Variants in ZFHX3 observed in about 807,000 individuals in gnomAD.
The protein encoded by ZFHX3 is zinc finger homeobox 3.
In ZFHX3, 42 loss-of-function variants were observed where a neutral mutation model predicts 279.1. The observed-to-expected ratio is 0.15, with a 90% confidence interval of 0.12 to 0.19. The LOEUF is 0.19. Ranked by LOEUF, ZFHX3 falls within the 10% of genes least tolerant of loss-of-function variation. ZFHX3 has a pLI of 1.00. For missense variants in ZFHX3, 4,981 were observed against 4,754.0 expected (o/e 1.05, Z -1.40); for synonymous variants, 2,293 against 1,957.8 (o/e 1.17, Z -4.52).
chr16:73,226,638 A>G (rs963702694), intron 5 of ZFHX3, among the ~76,000 whole-genome samples: 1 of 152,216 alleles, frequency 6.6e-6, no homozygotes, highest in African/African-American at 2.4e-5. Flanking sequence ...AAGGCCTTGT[A>G]GTTATGGATC....
intron 1 of ZFHX3, among the ~76,000 whole-genome samples, chr16:73,025,860 A>G (rs1964478339): frequency 6.6e-6 from 1 of 152,196 alleles, no homozygotes; most frequent in Non-Finnish European, 1.5e-5. Context: ...GTTCCCTTGC[A>G]AAGCGAAAGA....
At chr16:73,512,495 GA>G (rs1168882532) in intron 2 of ZFHX3, among the ~76,000 whole-genome samples, 59 of 130,894 alleles carry the variant, frequency 4.5e-4, no homozygotes, top group Non-Finnish European at 6.3e-4. Context: ...GTCTTCTGTG[GA>G]AAAAAAAAAA....
At chr16:72,802,562 A>AG (rs1014532876) in intron 7 of ZFHX3, among the ~76,000 whole-genome samples, 2 of 152,222 alleles carry the variant, frequency 1.3e-5, no homozygotes, top group East Asian at 1.9e-4. Flanking sequence ...CCTGAAAAAA[A>AG]GGGGGGGTTG....
At chr16:72,985,820 G>A (rs1450382940) in intron 1 of ZFHX3, among the ~76,000 whole-genome samples, 3 of 152,094 alleles carry the variant, frequency 2.0e-5, no homozygotes, top group African/African-American at 7.2e-5. Flanking sequence ...GGCTCTGCCG[G>A]CAGAGCAGGG....
chr16:73,823,030 A>G (rs191893084), intron 1 of ZFHX3, among the ~76,000 whole-genome samples: 1 of 152,216 alleles, frequency 6.6e-6, no homozygotes, highest in Non-Finnish European at 1.5e-5. Flanking sequence ...AGCACGTGGA[A>G]GCCGAATCCC....
At chr16:73,328,889 C>G (rs1047824304) in intron 3 of ZFHX3, among the ~76,000 whole-genome samples, 4 of 152,174 alleles carry the variant, frequency 2.6e-5, no homozygotes, top group African/African-American at 9.7e-5. Flanking sequence ...AAACCCATCC[C>G]AAGTGGGCAG....
At chr16:73,741,889 G>A (rs1122322) in intron 1 of ZFHX3, among the ~76,000 whole-genome samples, 83,913 of 152,068 alleles carry the variant, frequency 0.55, 25,160 homozygotes, top group African/African-American at 0.81. Flanking sequence ...TGAAGGGACC[G>A]CTGATTTTAT....
intron 5 of ZFHX3, among the ~76,000 whole-genome samples, chr16:73,154,548 C>G (rs905223129): frequency 6.6e-6 from 1 of 152,120 alleles, no homozygotes; most frequent in Non-Finnish European, 1.5e-5. Context: ...GGGTGGGCGG[C>G]TTTTCTTGCA....
At chr16:73,198,544 A>G (rs1968202553) in intron 5 of ZFHX3, among the ~76,000 whole-genome samples, 1 of 152,120 alleles carries the variant, frequency 6.6e-6, no homozygotes, top group African/African-American at 2.4e-5. Context: ...ATCGAGAAAC[A>G]AAGGCCAGAA....
At chr16:73,087,287 T>C (rs928164647) in intron 8 of ZFHX3, among the ~76,000 whole-genome samples, 13 of 152,142 alleles carry the variant, frequency 8.5e-5, no homozygotes, top group Non-Finnish European at 1.6e-4. Context: ...GATGGCAAAC[T>C]GTGAGGTTTA....
Position 73,207,019 on chromosome 16 carries a change from A to AAAAT in ZFHX3, c.-1104+50024_-1104+50027dup, listed in dbSNP as rs71156149. On this transcript the variant is annotated intron_variant, in intron 5 of 17. Transcript: ENST00000641206. ...GGTGACAGAGCGAGAATCCATCTCA[A>AAAAT]AAATAAATAAATAAATAAATAAATA... 3.8e-3 allele frequency among the ~76,000 whole-genome samples: 561 copies of AAAAT among 145,728 alleles called. 8 individuals carry two copies. The highest frequency in any genetic ancestry group is 0.034 in the East Asian group (171 of 5,026).
At chr16:73,878,980 A>G (rs1369783087) in intron 1 of ZFHX3, among the ~76,000 whole-genome samples, 1 of 148,972 alleles carries the variant, frequency 6.7e-6, no homozygotes, top group Non-Finnish European at 1.5e-5. Context: ...TGGAAACATC[A>G]GTTCCTATTA....
chr16:73,890,683 T>C (rs1235692819), intron 1 of ZFHX3, among the ~76,000 whole-genome samples: 2 of 152,192 alleles, frequency 1.3e-5, no homozygotes, highest in South Asian at 2.1e-4. Context: ...AAATTAGTCA[T>C]CTTCTCTTTC....
chr16:73,040,894 T>G (rs559181523), intron 1 of ZFHX3, among the ~76,000 whole-genome samples: 17 of 152,270 alleles, frequency 1.1e-4, no homozygotes, highest in African/African-American at 4.1e-4. Context: ...ACGAAAGAAG[T>G]GAGGCCCAAA....
At chr16:73,739,326 G>A (rs1385354506) in intron 1 of ZFHX3, among the ~76,000 whole-genome samples, 1 of 152,162 alleles carries the variant, frequency 6.6e-6, no homozygotes, top group Non-Finnish European at 1.5e-5. Context: ...TTTCTCAATT[G>A]CTGCATGATT....
At chr16:73,839,449 G>A (rs1961241350) in intron 1 of ZFHX3, among the ~76,000 whole-genome samples, 1 of 148,052 alleles carries the variant, frequency 6.8e-6, no homozygotes, top group South Asian at 2.2e-4. Context: ...AAGGGAATAT[G>A]AGCATATGAA....
At chr16:73,619,208 G>A (rs1251462977) in intron 2 of ZFHX3, among the ~76,000 whole-genome samples, 2 of 152,126 alleles carry the variant, frequency 1.3e-5, no homozygotes, top group African/African-American at 4.8e-5. Flanking sequence ...TAGGTCTGTG[G>A]CCGGGTGCGG....
In ZFHX3 at chr16:72,794,784, G is replaced by A. The variant is rs1179093373; in HGVS notation, c.7898C>T (p.Thr2633Ile). The A allele has an allele frequency of 2.5e-6, 4 of 1,614,050 alleles. No homozygotes were observed. Among genetic ancestry groups the A allele is most frequent in the African/African-American group, 1.3e-5 (1 of 74,926 alleles). ...GTCTCTCTGAGGCTCTTCTCCTCCT[G>A]TCCCACTGTCGTTTTCGCCAGGGCT... ...SASPGENDSG[T>I]GGEEPQRDKR... The change falls in exon 9 of 10, where the codon ACA becomes ATA. Residue 2633 changes from threonine to isoleucine, a missense_variant. Physicochemically the swap from Thr to Ile is moderately conservative, Grantham distance 89. This residue lies in a region of ZFHX3 where 744 missense variants were observed against 701.3 expected (regional missense o/e 1.06). Transcript: ENST00000268489. This position sits in a 1 kb window ranked among gnomAD's most constrained non-coding sequence, Gnocchi z 4.2.
intron 1 of ZFHX3, among the ~76,000 whole-genome samples, chr16:72,987,308 A>G (rs978751023): frequency 2.6e-5 from 4 of 152,234 alleles, no homozygotes; most frequent in African/African-American, 9.6e-5. Flanking sequence ...AGGCCTTCAA[A>G]ACAACATTTG....
Sources: gnomAD v4.1 joint callset for allele counts (sites outside exome capture counted in the v4.1 genomes callset) on GRCh38, gnomAD v4.1.1 for gene constraint, gnomAD v4.1.1 regional missense constraint, Gnocchi (gnomAD v3.1) non-coding constraint, MANE v1.5 for transcripts, NCBI Gene and HGNC (gene_info 2026-07-23, HGNC 2026-07-21) for gene names.